The following RAD51B variants were observed in gnomAD, a reference collection of about 807,000 sequenced individuals.
The protein encoded by RAD51B is RAD51 paralog B, also known as DNA repair protein RAD51 homolog 2.
A neutral mutation model predicts 42.2 loss-of-function variants in RAD51B; 38 were observed. The observed-to-expected ratio is 0.90, with a 90% confidence interval of 0.70 to 1.18. The LOEUF is 1.18. RAD51B is among the 50% of genes most tolerant of loss of function. The pLI is 0.00. For synonymous variants in RAD51B, 154 were observed against 145.2 expected, an observed-to-expected ratio of 1.06 and a Z score of -0.43; for missense variants, 373 against 400.7, an observed-to-expected ratio of 0.93 and a Z score of 0.59.
At chr14:67,912,654 C>T (rs544011470) in intron 7 of RAD51B, among the ~76,000 whole-genome samples, 8 of 151,356 alleles carry the variant, frequency 5.3e-5, no homozygotes, top group Non-Finnish European at 7.4e-5. Flanking sequence ...AAGGGATTAA[C>T]TGTGATTAGG....
At chr14:67,854,826 TGTG>T (rs1182373181) in intron 4 of RAD51B, among the ~76,000 whole-genome samples, 1 of 148,078 alleles carries the variant, frequency 6.8e-6, no homozygotes, top group Admixed American at 6.7e-5. Flanking sequence ...AAAAATTAGG[TGTG>T]GTGGTGCATG....
At chr14:67,979,743 T>C (rs890137123) in intron 7 of RAD51B, among the ~76,000 whole-genome samples, 8 of 152,202 alleles carry the variant, frequency 5.3e-5, no homozygotes, top group African/African-American at 1.4e-4. Flanking sequence ...TTATGTCTGT[T>C]CTTTTTTTCC....
At chr14:68,545,612 C>T in intron 10 of RAD51B, 1 of 456,068 alleles carries the variant, frequency 2.2e-6, no homozygotes, top group Admixed American at 2.3e-5. Flanking sequence ...AAAGAAGTTC[C>T]ACCAGAGTAG....
rs10565900 is a variant in RAD51B, at chr14:68,439,153, T to TACAC, written c.957+27657_957+27660dup. 4.7e-3 allele frequency among the ~76,000 whole-genome samples: 561 copies of TACAC among 119,270 alleles called. 2 individuals are homozygous for TACAC. Among genetic ancestry groups the TACAC allele is most frequent in the Middle Eastern group, 0.021 (5 of 238 alleles). 78.2% of individuals were successfully genotyped at this position (119,270 alleles called of 152,430 possible). A position where few individuals can be genotyped will look rare whatever the true frequency, so the allele number is the denominator to read the frequency against. ...GTATGAGAGAAGCCATGTATTTTTGTACACACACACACACACACACACACA... is the reference window on the plus strand; with the variant it reads ...GTATGAGAGAAGCCATGTATTTTTGTACACACACACACACACACACACACACACA... On this transcript the variant is annotated intron_variant, in intron 9 of 10. Transcript: ENST00000471583.
At chr14:67,834,043 C>G (rs1253994186) in intron 3 of RAD51B, among the ~76,000 whole-genome samples, 1 of 152,184 alleles carries the variant, frequency 6.6e-6, no homozygotes, top group Non-Finnish European at 1.5e-5. Flanking sequence ...TATTCTCTTA[C>G]AGTTTTGGAG....
intron 10 of RAD51B, among the ~76,000 whole-genome samples, chr14:68,593,203 G>T (rs1170572674): frequency 6.6e-6 from 1 of 152,254 alleles, no homozygotes; most frequent in Non-Finnish European, 1.5e-5. Context: ...TTCTTTAGCT[G>T]TGAGACCGTG....
At chr14:68,328,403 T>C (rs1467447611) in intron 8 of RAD51B, among the ~76,000 whole-genome samples, 2 of 152,168 alleles carry the variant, frequency 1.3e-5, no homozygotes, top group Admixed American at 6.5e-5. Flanking sequence ...GTGCTGGTAA[T>C]GAGCCAGTAG....
intron 10 of RAD51B, among the ~76,000 whole-genome samples, chr14:68,554,128 T>C (rs1475597998): frequency 1.3e-5 from 2 of 152,136 alleles, no homozygotes; most frequent in Non-Finnish European, 2.9e-5. Context: ...TATGTGTAAG[T>C]GTAAATAGGT....
At chr14:67,844,664 C>G (rs2041550268) in intron 4 of RAD51B, among the ~76,000 whole-genome samples, 1 of 150,548 alleles carries the variant, frequency 6.6e-6, no homozygotes, top group African/African-American at 2.4e-5. Context: ...TACATGTGCA[C>G]AGCGTGCAGG....
intron 9 of RAD51B, among the ~76,000 whole-genome samples, chr14:68,443,623 T>A (rs1293862326): frequency 2.0e-5 from 3 of 151,934 alleles, no homozygotes; most frequent in Non-Finnish European, 4.4e-5. Flanking sequence ...AAATGGAAAA[T>A]GTCACATTTC....
intron 10 of RAD51B, among the ~76,000 whole-genome samples, chr14:68,539,372 C>A (rs1887827486): frequency 6.6e-6 from 1 of 152,188 alleles, no homozygotes; most frequent in African/African-American, 2.4e-5. Flanking sequence ...CAGAAAAGCC[C>A]CCAGCCACAG....
intron 9 of RAD51B, among the ~76,000 whole-genome samples, chr14:68,434,547 C>G (rs993306546): frequency 6.6e-6 from 1 of 152,224 alleles, no homozygotes; most frequent in African/African-American, 2.4e-5. Context: ...CCAAGCCAGG[C>G]GTGCGTTATA....
intron 10 of RAD51B, among the ~76,000 whole-genome samples, chr14:68,646,246 A>G (rs1163531588): frequency 6.6e-6 from 1 of 152,202 alleles, no homozygotes. Context: ...CTGTTTTCTC[A>G]CAAAAGTGGC....
intron 10 of RAD51B, chr14:68,472,155 A>G (rs1184489436): frequency 6.5e-6 from 1 of 152,710 alleles, no homozygotes; most frequent in African/African-American, 2.4e-5. Flanking sequence ...ATCAGCTTTA[A>G]TGGTGTGTGC....
At chr14:68,225,941 G>A (rs1006328844) in intron 7 of RAD51B, among the ~76,000 whole-genome samples, 1 of 152,204 alleles carries the variant, frequency 6.6e-6, no homozygotes, top group Non-Finnish European at 1.5e-5. Flanking sequence ...GACTGAAAAT[G>A]TATATATTCT....
At chr14:67,872,682 C>T (rs1341600049) in intron 5 of RAD51B, among the ~76,000 whole-genome samples, 1 of 151,908 alleles carries the variant, frequency 6.6e-6, no homozygotes, top group East Asian at 1.9e-4. Flanking sequence ...TACCTGACTT[C>T]AAACTATACT....
chr14:68,640,563 C>T (rs551009636), intron 10 of RAD51B, among the ~76,000 whole-genome samples: 1 of 152,308 alleles, frequency 6.6e-6, no homozygotes, highest in African/African-American at 2.4e-5. Flanking sequence ...GAAGCTTATG[C>T]TCTGGTAGGG....
chr14:68,516,007 G>T (rs559408693), intron 10 of RAD51B, among the ~76,000 whole-genome samples: 1 of 151,720 alleles, frequency 6.6e-6, no homozygotes, highest in Non-Finnish European at 1.5e-5. Flanking sequence ...GGATGGTCTC[G>T]ATCTCCTGAC....
chr14:67,938,986 G>C (rs1164508697), intron 7 of RAD51B, among the ~76,000 whole-genome samples: 1 of 152,198 alleles, frequency 6.6e-6, no homozygotes, highest in Non-Finnish European at 1.5e-5. Context: ...TGTTGTTGTT[G>C]TTGACCAGCT....
Sources: gnomAD v4.1 joint callset for allele counts (sites outside exome capture counted in the v4.1 genomes callset) on GRCh38, gnomAD v4.1.1 for gene constraint, MANE v1.5 for transcripts, NCBI Gene and HGNC (gene_info 2026-07-23, HGNC 2026-07-21) for gene names.